KCNH7: variants seen among roughly 807,000 people sequenced by gnomAD.
KCNH7 encodes the protein voltage-gated inwardly rectifying potassium channel KCNH7.
A neutral mutation model predicts 120.8 loss-of-function variants in KCNH7; 49 were observed. That is an observed-to-expected ratio of 0.41 (90% CI 0.32 to 0.51). The LOEUF is 0.51. Among genes scored for constraint, KCNH7 ranks in the 20% least tolerant of loss-of-function variants. KCNH7 has a pLI of 0.38. For missense variants in KCNH7, 1,097 were observed against 1,446.6 expected, an observed-to-expected ratio of 0.76 and a Z score of 3.92; for synonymous variants, 547 against 516.1, an observed-to-expected ratio of 1.06 and a Z score of -0.81.
chr2:162,571,877 C>A (rs991266721), intron 2 of KCNH7, among the ~76,000 whole-genome samples: 3 of 151,776 alleles, frequency 2.0e-5, no homozygotes, highest in Non-Finnish European at 2.9e-5. Context: ...CTTCCTTACA[C>A]CTTATACAAA....
chr2:162,532,195 T>C (rs1045415649), intron 3 of KCNH7, among the ~76,000 whole-genome samples: 2 of 151,890 alleles, frequency 1.3e-5, no homozygotes, highest in Non-Finnish European at 2.9e-5. Context: ...ACAAGCATAA[T>C]TGGCTCAGAA....
intron 2 of KCNH7, among the ~76,000 whole-genome samples, chr2:162,601,073 A>G (rs1295431202): frequency 2.6e-5 from 4 of 152,068 alleles, no homozygotes; most frequent in African/African-American, 9.7e-5. Context: ...AAAAAGGGTA[A>G]CTCATATTGT....
intron 2 of KCNH7, among the ~76,000 whole-genome samples, chr2:162,624,889 G>GTT (rs66562676): frequency 0.015 from 1,050 of 69,666 alleles, 1 homozygote; most frequent in Middle Eastern, 0.048. Context: ...TGCACTCTTG[G>GTT]TTTTTTTTTT....
intron 6 of KCNH7, among the ~76,000 whole-genome samples, chr2:162,496,350 T>A (rs1690497013): frequency 6.6e-6 from 1 of 152,038 alleles, no homozygotes; most frequent in Non-Finnish European, 1.5e-5. Flanking sequence ...ATAAGAGAAC[T>A]TACACAGTTC....
intron 2 of KCNH7, among the ~76,000 whole-genome samples, chr2:162,676,402 T>C (rs1023643299): frequency 5.3e-5 from 8 of 151,596 alleles, no homozygotes; most frequent in African/African-American, 1.9e-4. Flanking sequence ...TAGTTCATGT[T>C]CTTATTTGTT....
At position 162,439,132 on chromosome 2, in the gene KCNH7, T is replaced by C. The variant is rs536860257; in HGVS notation, c.1555-3535A>G. Among the ~76,000 whole-genome samples the C allele has an allele frequency of 8.5e-4, 129 of 152,242 alleles. 4 individuals are homozygous for C. The South Asian group carries it at 0.026, about 31-fold the overall frequency. On this transcript the variant is annotated intron_variant, in intron 7 of 15. Transcript: ENST00000332142. ...AATTTCATGTAATATCCAGACATGATGGAAATCCCAATTTTTTGATTTTTG... is the reference window on the plus strand; with the variant it reads ...AATTTCATGTAATATCCAGACATGACGGAAATCCCAATTTTTTGATTTTTG...
chr2:162,836,812 A>T, intron 1 of KCNH7, 45 bp from the exon 2 acceptor site: 1 of 1,396,410 alleles, frequency 7.2e-7, no homozygotes, highest in Non-Finnish European at 1.0e-6. Context: ...AGCTTCCACA[A>T]TATTCTCCGT....
At chr2:162,771,930 G>A (rs1451131371) in intron 2 of KCNH7, 1 of 152,096 alleles carries the variant, frequency 6.6e-6, no homozygotes, top group Non-Finnish European at 1.5e-5. Context: ...TCTTTCTCAA[G>A]GCAACAGACG....
chr2:162,671,981 T>G (rs1356135462), intron 2 of KCNH7, among the ~76,000 whole-genome samples: 2 of 151,934 alleles, frequency 1.3e-5, no homozygotes, highest in Non-Finnish European at 1.5e-5. Context: ...AAGCAGAAAT[T>G]TACTGAAGTA....
intron 2 of KCNH7, among the ~76,000 whole-genome samples, chr2:162,758,777 T>C (rs574024782): frequency 3.3e-5 from 5 of 152,124 alleles, no homozygotes; most frequent in Non-Finnish European, 5.9e-5. Flanking sequence ...TGTGAGTCAA[T>C]TTACACAAGT....
At chr2:162,553,129 G>A (rs1199655122) in intron 2 of KCNH7, among the ~76,000 whole-genome samples, 1 of 152,188 alleles carries the variant, frequency 6.6e-6, no homozygotes, top group Non-Finnish European at 1.5e-5. Flanking sequence ...TAAAATTATA[G>A]GAAGTTTGTG....
At chr2:162,480,660 G>A (rs1288275725) in intron 6 of KCNH7, among the ~76,000 whole-genome samples, 1 of 152,092 alleles carries the variant, frequency 6.6e-6, no homozygotes, top group Non-Finnish European at 1.5e-5. Flanking sequence ...TATTATGATG[G>A]GAACTGAGGG....
intron 6 of KCNH7, among the ~76,000 whole-genome samples, chr2:162,485,560 T>C (rs751628280): frequency 6.6e-6 from 1 of 152,122 alleles, no homozygotes; most frequent in Non-Finnish European, 1.5e-5. Flanking sequence ...TTCATTTCTA[T>C]AGAAGGAAAT....
chr2:162,563,914 A>G (rs75225668), intron 2 of KCNH7, among the ~76,000 whole-genome samples: 7,968 of 152,226 alleles, frequency 0.052, 275 homozygotes, highest in Non-Finnish European at 0.073. Context: ...TTTAAGAAAT[A>G]TATTTTCCCA....
At chr2:162,695,875 A>G (rs1329694420) in intron 2 of KCNH7, among the ~76,000 whole-genome samples, 1 of 152,186 alleles carries the variant, frequency 6.6e-6, no homozygotes, top group East Asian at 1.9e-4. Context: ...AACTACATGA[A>G]ATCTTGGAAA....
At chr2:162,594,247 G>A (rs1694303271) in intron 2 of KCNH7, among the ~76,000 whole-genome samples, 1 of 150,512 alleles carries the variant, frequency 6.6e-6, no homozygotes, top group South Asian at 2.1e-4. Context: ...TCCTTCCTTT[G>A]GAACCACTGG....
intron 2 of KCNH7, among the ~76,000 whole-genome samples, chr2:162,623,944 C>T (rs1189197048): frequency 6.6e-6 from 1 of 152,140 alleles, no homozygotes; most frequent in Non-Finnish European, 1.5e-5. Context: ...TGGAAAGAAT[C>T]AGAAATAATC....
intron 2 of KCNH7, among the ~76,000 whole-genome samples, chr2:162,778,706 G>A (rs1284934988): frequency 6.6e-6 from 1 of 152,146 alleles, no homozygotes; most frequent in Non-Finnish European, 1.5e-5. Flanking sequence ...CACACAAAAA[G>A]AGATGATAGA....
At chr2:162,380,825 T>TA (rs1423563148) in intron 13 of KCNH7, among the ~76,000 whole-genome samples, 1 of 152,162 alleles carries the variant, frequency 6.6e-6, no homozygotes, top group Non-Finnish European at 1.5e-5. Flanking sequence ...AAGGAGACCA[T>TA]AGACCCCGAA....
Sources: gnomAD v4.1 joint callset for allele counts (sites outside exome capture counted in the v4.1 genomes callset) on GRCh38, gnomAD v4.1.1 for gene constraint, MANE v1.5 for transcripts, NCBI Gene and HGNC (gene_info 2026-07-23, HGNC 2026-07-21) for gene names.